The following CEP70 variants were observed in gnomAD, a reference collection of about 807,000 sequenced individuals.
The protein encoded by CEP70 is centrosomal protein 70.
CEP70 carries 70 observed loss-of-function variants against 90.9 expected under a neutral mutation model. The observed-to-expected ratio is 0.77, with a 90% CI of 0.64 to 0.94. The LOEUF is 0.94. Among genes scored for constraint, CEP70 ranks in the 40% least tolerant of loss-of-function variants. The pLI, the probability that CEP70 is intolerant of heterozygous loss-of-function variation, is 0.00. For missense variants in CEP70, 648 were observed against 669.0 expected (o/e 0.97, Z 0.35); for synonymous variants, 220 against 228.3 (o/e 0.96, Z 0.33).
intron 7 of CEP70, among the ~76,000 whole-genome samples, chr3:138,535,784 T>G (rs1045521838): frequency 1.3e-5 from 2 of 151,824 alleles, no homozygotes; most frequent in Admixed American, 6.6e-5. Flanking sequence ...CATTCTTCCC[T>G]TCCAATTTCT....
chr3:138,562,022 CAAAAAA>C (rs35638353), intron 6 of CEP70, among the ~76,000 whole-genome samples: 2 of 110,882 alleles, frequency 1.8e-5, no homozygotes, highest in Non-Finnish European at 3.8e-5. Flanking sequence ...GACGCCGTCT[CAAAAAA>C]AAAAAAAAAA....
chr3:138,587,570 G>A (rs1325008660), intron 2 of CEP70, among the ~76,000 whole-genome samples: 1 of 146,896 alleles, frequency 6.8e-6, no homozygotes, highest in Non-Finnish European at 1.5e-5. Context: ...ACAGCTTGAG[G>A]CCCAGGAATT....
chr3:138,560,860 G>C (rs964384609), intron 6 of CEP70, among the ~76,000 whole-genome samples: 5 of 152,168 alleles, frequency 3.3e-5, no homozygotes, highest in African/African-American at 9.7e-5. Context: ...AAAAAAGGCA[G>C]CAGCCCCAGT....
At chr3:138,530,249 T>C (rs1013558801) in intron 8 of CEP70, among the ~76,000 whole-genome samples, 1 of 152,226 alleles carries the variant, frequency 6.6e-6, no homozygotes, top group African/African-American at 2.4e-5. Flanking sequence ...TCATTAAATC[T>C]TAAATTTAAA....
chr3:138,571,310 T>C lies in CEP70; in HGVS notation c.116A>G (p.His39Arg), dbSNP rs1325481754. The C allele has an allele frequency of 3.1e-6, 5 of 1,612,024 alleles. No homozygotes were observed. The East Asian group carries it at 6.7e-5, about 22-fold the overall frequency. Reference protein sequence around the residue: ...WESINVLLMMHGLKPLSLVKR... With the variant: ...WESINVLLMMRGLKPLSLVKR... ...GACTAGAGACAAAGGTTTTAAGCCATGCATCATCAATAGCACATTTATGCT... is the reference window on the plus strand; with the variant it reads ...GACTAGAGACAAAGGTTTTAAGCCACGCATCATCAATAGCACATTTATGCT... The change falls in exon 4 of 18, where the codon CAT becomes CGT. Residue 39 changes from histidine to arginine, a missense_variant. Coordinates refer to ENST00000264982, the MANE Select transcript of CEP70 (RefSeq NM_024491.4).
At chr3:138,557,352 C>G (rs1359239470) in intron 6 of CEP70, among the ~76,000 whole-genome samples, 1 of 152,082 alleles carries the variant, frequency 6.6e-6, no homozygotes, top group African/African-American at 2.4e-5. Flanking sequence ...ATCACAGGGT[C>G]CTGAGGCGAC....
chr3:138,551,156 T>C (rs2039584163), intron 6 of CEP70, among the ~76,000 whole-genome samples: 1 of 152,116 alleles, frequency 6.6e-6, no homozygotes, highest in Admixed American at 6.6e-5. Flanking sequence ...ACCTATAAGA[T>C]TAACAGCAGA....
intron 11 of CEP70, among the ~76,000 whole-genome samples, chr3:138,521,158 C>A (rs2036581845): frequency 6.6e-6 from 1 of 152,214 alleles, no homozygotes; most frequent in Non-Finnish European, 1.5e-5. Context: ...CGGCTCGCTA[C>A]AACCTCCACC....
intron 1 of CEP70, among the ~76,000 whole-genome samples, chr3:138,592,544 TGTTGGGGGTAGGA>T (rs1043629267): frequency 6.8e-6 from 1 of 147,478 alleles, no homozygotes; most frequent in Non-Finnish European, 1.5e-5. Context: ...AAAATAAGAT[TGTTGGGGGTAGGA>T]GTCGGGGGGT....
rs370607456 is a variant in CEP70 at position 138,563,138 on chromosome 3, A to G, written c.465+7180T>C. On this transcript the variant is annotated intron_variant, in intron 6 of 17. Coordinates refer to ENST00000264982, the MANE Select transcript of CEP70 (RefSeq NM_024491.4). ...GCATAATGGTAAAGGGATCAGTGCA[A>G]CAAGAGCTAACTATCCTAAATATAT... 4.0e-4 allele frequency among the ~76,000 whole-genome samples: 61 copies of G among 152,224 alleles called. 1 individual carries two copies. Among genetic ancestry groups the G allele is most frequent in the East Asian group, 3.1e-3 (16 of 5,198 alleles).
chr3:138,506,102 C>A (rs1366828166), intron 12 of CEP70, among the ~76,000 whole-genome samples: 1 of 152,180 alleles, frequency 6.6e-6, no homozygotes, highest in Non-Finnish European at 1.5e-5. Context: ...ACTCTTCACC[C>A]TCAAATAATA....
chr3:138,550,102 C>T (rs1479142154), intron 6 of CEP70, among the ~76,000 whole-genome samples: 3 of 152,106 alleles, frequency 2.0e-5, no homozygotes, highest in Non-Finnish European at 4.4e-5. Context: ...ACATAGCCTA[C>T]CCAAATGAGA....
rs151330720 is a variant in CEP70, at chr3:138,590,246, T to C, written c.-6+1608A>G. Among the ~76,000 whole-genome samples the C allele has an allele frequency of 5.6e-3, 855 of 152,310 alleles. 7 individuals are homozygous for C. Among genetic ancestry groups the C allele is most frequent in the African/African-American group, 0.02 (823 of 41,570 alleles). Reference sequence around the variant, plus strand: ...ATATGGAATATTCTATTTTCTCCTATATTCTTGAGAATCATGATTCTCAGT... The same window carrying C: ...ATATGGAATATTCTATTTTCTCCTACATTCTTGAGAATCATGATTCTCAGT... On this transcript the variant is annotated intron_variant, in intron 2 of 17. Coordinates refer to ENST00000264982, the MANE Select transcript of CEP70 (RefSeq NM_024491.4).
intron 1 of CEP70, chr3:138,593,620 C>T (rs2042500976): frequency 6.6e-6 from 1 of 152,202 alleles, no homozygotes; most frequent in African/African-American, 2.4e-5. Context: ...GCATTTTTCA[C>T]CTTGAAAAAC....
At chr3:138,544,923 G>A (rs1323146220) in intron 6 of CEP70, among the ~76,000 whole-genome samples, 4 of 152,134 alleles carry the variant, frequency 2.6e-5, no homozygotes, top group Non-Finnish European at 4.4e-5. Flanking sequence ...AGGGAAGGGG[G>A]AAATGAAGAG....
intron 6 of CEP70, among the ~76,000 whole-genome samples, chr3:138,563,717 T>C (rs1330501499): frequency 2.0e-5 from 3 of 152,194 alleles, no homozygotes; most frequent in Non-Finnish European, 4.4e-5. Flanking sequence ...GGGAAATTTA[T>C]AACACTAAGT....
chr3:138,586,052 T>C (rs1316162539), intron 2 of CEP70, among the ~76,000 whole-genome samples: 2 of 152,206 alleles, frequency 1.3e-5, no homozygotes, highest in Admixed American at 1.3e-4. Flanking sequence ...GTTAAAAAGC[T>C]TCTGCACGGC....
intron 6 of CEP70, among the ~76,000 whole-genome samples, chr3:138,569,626 G>T (rs1463521062): frequency 1.3e-5 from 2 of 152,200 alleles, no homozygotes; most frequent in African/African-American, 4.8e-5. Context: ...CCAGCACTTT[G>T]GGAGGCCGAG....
At chr3:138,499,004 C>T (rs934650314) in intron 16 of CEP70, among the ~76,000 whole-genome samples, 2 of 151,478 alleles carry the variant, frequency 1.3e-5, no homozygotes, top group African/African-American at 4.9e-5. Context: ...TGAGACTGAG[C>T]CACTGCACTC....
Sources: gnomAD v4.1 joint callset for allele counts (sites outside exome capture counted in the v4.1 genomes callset) on GRCh38, gnomAD v4.1.1 for gene constraint, MANE v1.5 for transcripts, NCBI Gene and HGNC (gene_info 2026-07-23, HGNC 2026-07-21) for gene names.